Variants in TTC28 observed in about 807,000 individuals in gnomAD.
TTC28 encodes tetratricopeptide repeat domain 28, also known as tetratricopeptide repeat protein 28.
A neutral mutation model predicts 198.0 loss-of-function variants in TTC28; 61 were observed. The observed-to-expected ratio is 0.31, with a 90% confidence interval of 0.25 to 0.38. TTC28 has a LOEUF of 0.38. TTC28 is among the 10% of genes least tolerant of loss of function. TTC28 has a pLI of 1.00. For synonymous variants in TTC28, 1,171 were observed against 1,297.8 expected (o/e 0.90, Z 2.10); for missense variants, 2,678 against 3,164.0 (o/e 0.85, Z 3.69).
At chr22:28,307,749 A>T (rs1216570291) in intron 2 of TTC28, among the ~76,000 whole-genome samples, 1 of 152,200 alleles carries the variant, frequency 6.6e-6, no homozygotes, top group Non-Finnish European at 1.5e-5. Flanking sequence ...TTGGTCTCCT[A>T]TTCAACTGAA....
chr22:28,315,727 T>A (rs1226471840), intron 2 of TTC28, among the ~76,000 whole-genome samples: 2 of 152,216 alleles, frequency 1.3e-5, no homozygotes, highest in African/African-American at 4.8e-5. Context: ...CTCTCTATTC[T>A]GTTCTATTGA....
chr22:28,538,556 C>A (rs966934421), intron 2 of TTC28, among the ~76,000 whole-genome samples: 1 of 109,520 alleles, frequency 9.1e-6, no homozygotes, highest in Non-Finnish European at 1.9e-5. Flanking sequence ...GCACCTTTCT[C>A]TTTTTTTTTT....
At chr22:28,222,087 C>A (rs954388189) in intron 5 of TTC28, among the ~76,000 whole-genome samples, 1 of 152,178 alleles carries the variant, frequency 6.6e-6, no homozygotes, top group Non-Finnish European at 1.5e-5. Context: ...CCACTTCTTG[C>A]AATATTGATG....
intron 5 of TTC28, among the ~76,000 whole-genome samples, chr22:28,246,768 C>T (rs1930131491): frequency 6.6e-6 from 1 of 152,072 alleles, no homozygotes; most frequent in African/African-American, 2.4e-5. Flanking sequence ...CTTCAAAGCT[C>T]CTATTATTCT....
intron 6 of TTC28, among the ~76,000 whole-genome samples, chr22:28,127,885 G>A (rs1674439660): frequency 7.1e-6 from 1 of 141,062 alleles, no homozygotes; most frequent in Non-Finnish European, 1.5e-5. Flanking sequence ...AAATCACCAT[G>A]CCTGGCTAAT....
intron 2 of TTC28, among the ~76,000 whole-genome samples, chr22:28,317,312 C>G (rs2145838376): frequency 6.6e-6 from 1 of 152,158 alleles, no homozygotes; most frequent in South Asian, 2.1e-4. Flanking sequence ...TTTCATAGGC[C>G]AAGTAACTTT....
At chr22:28,124,751 C>A (rs369188862) in intron 6 of TTC28, among the ~76,000 whole-genome samples, 2 of 152,196 alleles carry the variant, frequency 1.3e-5, no homozygotes, top group South Asian at 2.1e-4. Context: ...TACAAATCAT[C>A]TCTAGATAGC....
intron 6 of TTC28, among the ~76,000 whole-genome samples, chr22:28,144,548 A>G (rs1943417074): frequency 6.6e-6 from 1 of 152,234 alleles, no homozygotes. Context: ...CCAAGTCTGC[A>G]TTTTAACATC....
intron 2 of TTC28, among the ~76,000 whole-genome samples, chr22:28,481,031 C>G (rs1193434848): frequency 6.6e-6 from 1 of 152,106 alleles, no homozygotes; most frequent in Non-Finnish European, 1.5e-5. Context: ...AGATGGGATG[C>G]AAGTTCAAGT....
chr22:28,348,199 G>A (rs183660482), intron 2 of TTC28, among the ~76,000 whole-genome samples: 211 of 152,270 alleles, frequency 1.4e-3, no homozygotes, highest in Admixed American at 2.4e-3. Context: ...TAGACACTAG[G>A]AACAATGGCA....
chr22:28,638,994 G>T (rs1015282142), intron 1 of TTC28, among the ~76,000 whole-genome samples: 19 of 152,180 alleles, frequency 1.2e-4, no homozygotes, highest in Middle Eastern at 3.4e-3. Flanking sequence ...AACAATTTGG[G>T]AACATCTACA....
intron 12 of TTC28, among the ~76,000 whole-genome samples, chr22:28,077,879 C>T (rs1171854456): frequency 6.6e-6 from 1 of 152,164 alleles, no homozygotes; most frequent in Non-Finnish European, 1.5e-5. Flanking sequence ...CCAGACCTGA[C>T]CTACTACTGA....
At chr22:28,311,827 T>A (rs2045262914) in intron 2 of TTC28, among the ~76,000 whole-genome samples, 1 of 152,030 alleles carries the variant, frequency 6.6e-6, no homozygotes, top group Admixed American at 6.6e-5. Context: ...CACACTACCC[T>A]TTCCCAGACT....
rs373431981 is a variant in TTC28 at position 28,123,795 on chromosome 22, C to CA, written c.1442-15393dup. On this transcript the variant is annotated intron_variant, in intron 6 of 22. Coordinates refer to ENST00000397906, the MANE Select transcript of TTC28 (RefSeq NM_001145418.2). ...CTCAGGAGTTTGAGACCAGCCTGGG[C>CA]AACATGGTGAAATCCCGTCTCTACT... 1.0e-3 allele frequency among the ~76,000 whole-genome samples: 158 copies of CA among 152,020 alleles called. 1 individual carries two copies. Among genetic ancestry groups the CA allele is most frequent in the African/African-American group, 3.5e-3 (147 of 41,502 alleles).
intron 2 of TTC28, among the ~76,000 whole-genome samples, chr22:28,552,517 G>C (rs1408591466): frequency 1.3e-5 from 2 of 152,126 alleles, no homozygotes; most frequent in Non-Finnish European, 2.9e-5. Flanking sequence ...CCTGGTACTG[G>C]TATAAAAATA....
chr22:28,351,255 C>A (rs2045992016), intron 2 of TTC28, among the ~76,000 whole-genome samples: 1 of 152,092 alleles, frequency 6.6e-6, no homozygotes, highest in African/African-American at 2.4e-5. Context: ...GAGAGCATCT[C>A]CTGACAACAT....
chr22:28,602,448 T>C (rs2050654924), intron 2 of TTC28, among the ~76,000 whole-genome samples: 2 of 152,210 alleles, frequency 1.3e-5, no homozygotes, highest in African/African-American at 4.8e-5. Context: ...TTAATGGTGG[T>C]ACTGTGGTTT....
intron 2 of TTC28, among the ~76,000 whole-genome samples, chr22:28,527,484 C>A (rs1161234389): frequency 6.6e-6 from 1 of 152,168 alleles, no homozygotes; most frequent in Non-Finnish European, 1.5e-5. Context: ...CTATGCAAAC[C>A]AGAAACTTCT....
chr22:28,054,488 A>C (rs1319834129), intron 12 of TTC28, among the ~76,000 whole-genome samples: 2 of 152,132 alleles, frequency 1.3e-5, no homozygotes, highest in African/African-American at 4.8e-5. Flanking sequence ...GCCCAGATAA[A>C]AGGATAAGGA....
Sources: allele counts gnomAD v4.1 joint callset (sites outside exome capture counted in the v4.1 genomes callset), GRCh38; gene constraint gnomAD v4.1.1; transcripts MANE v1.5; gene names NCBI Gene and HGNC (gene_info 2026-07-23, HGNC 2026-07-21).